The following DCC variants were observed in gnomAD, a reference collection of about 807,000 sequenced individuals.
The protein encoded by DCC is netrin receptor DCC.
DCC carries 58 observed loss-of-function variants against 172.5 expected under a neutral mutation model. The observed-to-expected ratio is 0.34, with a 90% CI of 0.27 to 0.42. The LOEUF is 0.42. DCC is among the 10% of genes least tolerant of loss of function. The pLI, the probability that DCC is intolerant of heterozygous loss-of-function variation, is 1.00. For missense variants in DCC, 1,740 were observed against 1,791.0 expected (o/e 0.97, Z 0.51); for synonymous variants, 709 against 644.5 (o/e 1.10, Z -1.52).
chr18:53,174,107 A>C (rs867538475), intron 8 of DCC, among the ~76,000 whole-genome samples: 11 of 140,398 alleles, frequency 7.8e-5, no homozygotes, highest in Middle Eastern at 6.9e-3. Context: ...TGAAGGCAGA[A>C]ATAAAGATGT....
At chr18:52,600,163 A>G (rs911552492) in intron 1 of DCC, among the ~76,000 whole-genome samples, 1 of 152,182 alleles carries the variant, frequency 6.6e-6, no homozygotes, top group Non-Finnish European at 1.5e-5. Flanking sequence ...CTCTCAGTCG[A>G]CCTGGAATAG....
chr18:53,496,194 C>T (rs2046021495), intron 26 of DCC, among the ~76,000 whole-genome samples: 1 of 151,928 alleles, frequency 6.6e-6, no homozygotes, highest in South Asian at 2.1e-4. Context: ...CTGACAGACA[C>T]CTCATATAGG....
At chr18:53,184,159 T>C (rs997306819) in intron 9 of DCC, among the ~76,000 whole-genome samples, 3 of 152,082 alleles carry the variant, frequency 2.0e-5, no homozygotes, top group African/African-American at 7.2e-5. Flanking sequence ...TAGAACTAGC[T>C]TGATCACTAT....
chr18:53,093,994 T>C (rs1346889118), intron 7 of DCC, among the ~76,000 whole-genome samples: 1 of 152,176 alleles, frequency 6.6e-6, no homozygotes, highest in Non-Finnish European at 1.5e-5. Context: ...GGTAGTGAGA[T>C]TAAAGTGCTT....
At chr18:52,523,537 TAGA>T (rs2031887047) in intron 1 of DCC, among the ~76,000 whole-genome samples, 2 of 152,170 alleles carry the variant, frequency 1.3e-5, no homozygotes, top group Admixed American at 1.3e-4. Context: ...AAGCATCCAT[TAGA>T]AGTTTAAATG....
At chr18:53,026,109 T>G (rs1304585765) in intron 5 of DCC, among the ~76,000 whole-genome samples, 17 of 152,008 alleles carry the variant, frequency 1.1e-4, no homozygotes, top group Non-Finnish European at 5.9e-5. Flanking sequence ...ATTTAAAAAC[T>G]GAAGTCCTCC....
chr18:53,456,380 A>C (rs2045483248), intron 23 of DCC, among the ~76,000 whole-genome samples: 1 of 152,194 alleles, frequency 6.6e-6, no homozygotes, highest in Non-Finnish European at 1.5e-5. Context: ...TTTATCAAGA[A>C]TACCTGGGGT....
At chr18:52,373,887 C>CTT (rs779518696) in intron 1 of DCC, among the ~76,000 whole-genome samples, 2,492 of 140,872 alleles carry the variant, frequency 0.018, 114 homozygotes, top group African/African-American at 0.06. Context: ...TTGGTTGCAT[C>CTT]ATTTTTTTTT....
At chr18:52,431,865 G>T (rs923462134) in intron 1 of DCC, among the ~76,000 whole-genome samples, 4 of 152,124 alleles carry the variant, frequency 2.6e-5, no homozygotes, top group African/African-American at 9.7e-5. Context: ...TCTCTGAAGG[G>T]GATGGCTTTC....
chr18:52,701,530 A>T (rs944585576), intron 1 of DCC, among the ~76,000 whole-genome samples: 2 of 152,164 alleles, frequency 1.3e-5, no homozygotes, highest in Non-Finnish European at 2.9e-5. Flanking sequence ...TCTTCACACC[A>T]GGTTTCATGT....
intron 21 of DCC, among the ~76,000 whole-genome samples, chr18:53,426,287 T>G (rs922073151): frequency 1.3e-4 from 17 of 126,956 alleles, no homozygotes; most frequent in Non-Finnish European, 2.5e-4. Context: ...ATATTACATA[T>G]TTATAATATA....
intron 7 of DCC, among the ~76,000 whole-genome samples, chr18:53,100,341 CAT>C (rs1207085965): frequency 6.6e-6 from 1 of 151,988 alleles, no homozygotes; most frequent in Non-Finnish European, 1.5e-5. Context: ...TCAGGAGAGA[CAT>C]ATATAAATTT....
At chr18:52,446,083 C>T (rs935770743) in intron 1 of DCC, among the ~76,000 whole-genome samples, 4 of 152,154 alleles carry the variant, frequency 2.6e-5, no homozygotes, top group Non-Finnish European at 5.9e-5. Flanking sequence ...CAGGCGCCCG[C>T]CACCGCACCC....
chr18:52,494,288 G>A (rs1200927149), intron 1 of DCC, among the ~76,000 whole-genome samples: 2 of 151,296 alleles, frequency 1.3e-5, no homozygotes, highest in African/African-American at 4.9e-5. Flanking sequence ...GTGTGTGTGT[G>A]TGTGTCTGTG....
At chr18:52,449,571 CACTTGGGCTGGCA>C (rs1335572185) in intron 1 of DCC, among the ~76,000 whole-genome samples, 7 of 152,198 alleles carry the variant, frequency 4.6e-5, no homozygotes, top group Admixed American at 4.6e-4. Flanking sequence ...GAAACGATGA[CACTTGGGCTGGCA>C]AAACTTTAAA....
intron 23 of DCC, among the ~76,000 whole-genome samples, chr18:53,456,812 A>G (rs1020855131): frequency 1.3e-5 from 2 of 152,214 alleles, no homozygotes; most frequent in Admixed American, 6.5e-5. Context: ...TGCAATGAGC[A>G]GCAGTCGTGT....
Position 53,054,262 on chromosome 18 carries a change from C to A in DCC, c.986-9043C>A, listed in dbSNP as rs1030213646. Among the ~76,000 whole-genome samples the A allele has an allele frequency of 2.0e-5, 3 of 151,288 alleles. No individual in the cohort carries two copies. The Admixed American group carries it at 2.0e-4, about 10-fold the overall frequency. ...TCGGTTGAATCCTTGACTGTAGAAC[C>A]CACAGATATATATGAAGGACCAGCT... is the stretch of plus-strand genomic sequence containing the variant. On this transcript the variant is annotated intron_variant, in intron 5 of 28. Transcript: ENST00000442544.
intron 11 of DCC, among the ~76,000 whole-genome samples, chr18:53,210,891 T>C (rs185895579): frequency 5.0e-4 from 76 of 152,144 alleles, no homozygotes; most frequent in Non-Finnish European, 9.6e-4. Flanking sequence ...ATTTTCTGAG[T>C]AGAAACCTTA....
chr18:52,581,559 C>A (rs2033551049), intron 1 of DCC, among the ~76,000 whole-genome samples: 1 of 152,096 alleles, frequency 6.6e-6, no homozygotes, highest in Non-Finnish European at 1.5e-5. Context: ...AGATAAGAAT[C>A]TCTTGTTGGC....
Sources: allele counts gnomAD v4.1 joint callset (sites outside exome capture counted in the v4.1 genomes callset), GRCh38; gene constraint gnomAD v4.1.1; transcripts MANE v1.5; gene names NCBI Gene and HGNC (gene_info 2026-07-23, HGNC 2026-07-21).